Variants in PARD3 observed in about 807,000 individuals in gnomAD.
The protein encoded by PARD3 is par-3 family cell polarity regulator.
PARD3 carries 75 observed loss-of-function variants against 155.4 expected under a neutral mutation model. That is an observed-to-expected ratio of 0.48 (90% CI 0.40 to 0.58). The LOEUF is 0.58. Among genes scored for constraint, PARD3 ranks in the 20% least tolerant of loss-of-function variants. PARD3 has a pLI of 0.00. For synonymous variants in PARD3, 576 were observed against 610.5 expected, an observed-to-expected ratio of 0.94 and a Z score of 0.83; for missense variants, 1,642 against 1,721.7, an observed-to-expected ratio of 0.95 and a Z score of 0.82.
intron 22 of PARD3, among the ~76,000 whole-genome samples, chr10:34,187,981 C>T (rs953303349): frequency 6.6e-6 from 1 of 152,286 alleles, no homozygotes; most frequent in African/African-American, 2.4e-5. Context: ...GAACGTGGAG[C>T]TGCAGATAAT....
chr10:34,154,461 G>T (rs1337342296), intron 22 of PARD3, among the ~76,000 whole-genome samples: 1 of 152,142 alleles, frequency 6.6e-6, no homozygotes, highest in Non-Finnish European at 1.5e-5. Context: ...AATGAAGCCT[G>T]CTTGGATCCT....
At chr10:34,353,745 A>G (rs1838469044) in intron 14 of PARD3, among the ~76,000 whole-genome samples, 1 of 151,256 alleles carries the variant, frequency 6.6e-6, no homozygotes, top group Non-Finnish European at 1.5e-5. Flanking sequence ...ATAAATAAAT[A>G]AATAAAATAA....
rs540410075 is a variant in PARD3 at position 34,116,362 on chromosome 10, C to T, written c.3668+3251G>A. On this transcript the variant is annotated intron_variant, in intron 24 of 24. Coordinates refer to ENST00000374788, the MANE Select transcript of PARD3 (RefSeq NM_001184785.2). Reference sequence around the variant, plus strand: ...GTGTAATCTTTTTGGTTTCTAATGCCATACCAACTTGTTTAGACAAAACTC... The same window carrying T: ...GTGTAATCTTTTTGGTTTCTAATGCTATACCAACTTGTTTAGACAAAACTC... 3.9e-5 allele frequency among the ~76,000 whole-genome samples: 6 copies of T among 152,302 alleles called. No homozygotes were observed. The South Asian group carries it at 1.2e-3, about 32-fold the overall frequency.
At chr10:34,614,950 G>A (rs780814035) in intron 2 of PARD3, among the ~76,000 whole-genome samples, 11 of 152,132 alleles carry the variant, frequency 7.2e-5, no homozygotes, top group African/African-American at 1.4e-4. Flanking sequence ...AGGCCAAGAC[G>A]GGTGGATCAC....
chr10:34,174,619 A>G (rs1949954151), intron 22 of PARD3, among the ~76,000 whole-genome samples: 1 of 152,182 alleles, frequency 6.6e-6, no homozygotes, highest in African/African-American at 2.4e-5. Context: ...GTTGTGGATG[A>G]AGTAAGGAAG....
chr10:34,761,998 G>C (rs922089218), intron 1 of PARD3, among the ~76,000 whole-genome samples: 4 of 151,880 alleles, frequency 2.6e-5, no homozygotes, highest in Non-Finnish European at 5.9e-5. Context: ...AGCCACAAAA[G>C]AGCATTCAAT....
intron 22 of PARD3, 139 bp downstream of exon 22, chr10:34,269,518 C>T (rs1564534601): frequency 2.3e-6 from 2 of 883,576 alleles, no homozygotes. Flanking sequence ...AAACTCAATA[C>T]TTTTAGACAC....
intron 2 of PARD3, among the ~76,000 whole-genome samples, chr10:34,593,608 A>G (rs991974641): frequency 2.0e-5 from 3 of 152,216 alleles, no homozygotes; most frequent in African/African-American, 7.2e-5. Context: ...CATTAATTCA[A>G]TTCCTCAAGC....
At chr10:34,532,549 T>C (rs2082931936) in intron 2 of PARD3, among the ~76,000 whole-genome samples, 1 of 152,230 alleles carries the variant, frequency 6.6e-6, no homozygotes, top group African/African-American at 2.4e-5. Context: ...GAACACTTTG[T>C]TAATCTAATA....
intron 20 of PARD3, among the ~76,000 whole-genome samples, chr10:34,292,438 A>G (rs1162248455): frequency 6.6e-6 from 1 of 152,204 alleles, no homozygotes; most frequent in Non-Finnish European, 1.5e-5. Context: ...TTGATTATGA[A>G]AAGCAGAAAG....
At chr10:34,605,180 A>ATTTTT (rs750688603) in intron 2 of PARD3, among the ~76,000 whole-genome samples, 8 of 62,430 alleles carry the variant, frequency 1.3e-4, no homozygotes, top group African/African-American at 1.7e-4. Context: ...CCAAAATGAA[A>ATTTTT]TTTTTTTTTT....
intron 5 of PARD3, among the ~76,000 whole-genome samples, chr10:34,428,811 C>T (rs937954916): frequency 5.9e-5 from 9 of 152,214 alleles, no homozygotes; most frequent in South Asian, 2.1e-4. Context: ...GAAACACTAA[C>T]GCTAAATTTT....
At chr10:34,578,159 G>A (rs546059318) in intron 2 of PARD3, among the ~76,000 whole-genome samples, 14 of 151,960 alleles carry the variant, frequency 9.2e-5, no homozygotes, top group Admixed American at 5.9e-4. Context: ...TAGAGGCTAA[G>A]ATAAGCTTTT....
chr10:34,684,774 TACATACACACACAC>T (rs2093913234), intron 2 of PARD3, among the ~76,000 whole-genome samples: 1 of 109,132 alleles, frequency 9.2e-6, no homozygotes, highest in Admixed American at 1.1e-4. Flanking sequence ...GGCTTGATGA[TACATACACACACAC>T]ACACACACAC....
At chr10:34,763,910 C>G (rs568678935) in intron 1 of PARD3, among the ~76,000 whole-genome samples, 68 of 152,322 alleles carry the variant, frequency 4.5e-4, no homozygotes, top group African/African-American at 1.6e-3. Flanking sequence ...ATGACTTAAT[C>G]TCCTCCCAGC....
intron 1 of PARD3, among the ~76,000 whole-genome samples, chr10:34,810,948 A>T (rs756023337): frequency 6.6e-6 from 1 of 152,074 alleles, no homozygotes; most frequent in Admixed American, 6.6e-5. Context: ...CCTATACCCA[A>T]GGTTAAATGG....
At chr10:34,737,144 C>T (rs1267089240) in intron 1 of PARD3, among the ~76,000 whole-genome samples, 1 of 152,160 alleles carries the variant, frequency 6.6e-6, no homozygotes, top group Non-Finnish European at 1.5e-5. Flanking sequence ...CGGAGAGAAG[C>T]AGGGGTCTGC....
intron 3 of PARD3, among the ~76,000 whole-genome samples, chr10:34,515,981 T>C (rs1432431305): frequency 1.3e-5 from 2 of 151,818 alleles, no homozygotes; most frequent in Non-Finnish European, 2.9e-5. Context: ...CCTTTTTTTT[T>C]TCTCTCACTC....
intron 2 of PARD3, among the ~76,000 whole-genome samples, chr10:34,674,666 T>C (rs1372462671): frequency 6.6e-6 from 1 of 151,952 alleles, no homozygotes; most frequent in African/African-American, 2.4e-5. Flanking sequence ...TTCGTATTTT[T>C]AGTAGAGACA....
Sources: gnomAD v4.1 joint callset for allele counts (sites outside exome capture counted in the v4.1 genomes callset) on GRCh38, gnomAD v4.1.1 for gene constraint, MANE v1.5 for transcripts, NCBI Gene and HGNC (gene_info 2026-07-23, HGNC 2026-07-21) for gene names.